Variants in ZFHX3 observed in about 807,000 individuals in gnomAD.
The protein encoded by ZFHX3 is zinc finger homeobox 3.
ZFHX3 carries 42 observed loss-of-function variants against 279.1 expected under a neutral mutation model. The observed-to-expected ratio is 0.15, with a 90% CI of 0.12 to 0.19. The LOEUF is 0.19. ZFHX3 is among the 10% of genes least tolerant of loss of function. The pLI, the probability that ZFHX3 is intolerant of heterozygous loss-of-function variation, is 1.00. For synonymous variants in ZFHX3, 2,293 were observed against 1,957.8 expected, an observed-to-expected ratio of 1.17 and a Z score of -4.52; for missense variants, 4,981 against 4,754.0, an observed-to-expected ratio of 1.05 and a Z score of -1.40.
upstream of ZFHX3, chr16:73,060,227 A>C (rs1965663962): frequency 6.7e-6 from 1 of 149,626 alleles, no homozygotes; most frequent in Non-Finnish European, 1.5e-5. Flanking sequence ...TAATGCCAAA[A>C]AAAAAAAAAA....
rs117924027 is a variant in ZFHX3 at position 73,460,358 on chromosome 16, C to T, written c.-1546-4100G>A. On this transcript the variant is annotated intron_variant, in intron 2 of 17. Coordinates refer to the ZFHX3 transcript ENST00000641206. ...TATAGATATTCTACAGTTTGCTTAACCATCTACCTACTGGAGGACAACTGG... is the reference window on the plus strand; with the variant it reads ...TATAGATATTCTACAGTTTGCTTAATCATCTACCTACTGGAGGACAACTGG... 1.0e-3 allele frequency among the ~76,000 whole-genome samples: 156 copies of T among 152,222 alleles called. 1 individual carries two copies. The highest frequency in any genetic ancestry group is 1.5e-3 in the Non-Finnish European group (104 of 68,020).
intron 5 of ZFHX3, among the ~76,000 whole-genome samples, chr16:73,213,919 C>G (rs73597326): frequency 0.012 from 1,849 of 152,300 alleles, 33 homozygotes; most frequent in African/African-American, 0.042. Flanking sequence ...GTTCCCCGCT[C>G]CAATCTGTAA....
At chr16:72,817,208 G>A (rs1486737459) in intron 5 of ZFHX3, among the ~76,000 whole-genome samples, 1 of 152,196 alleles carries the variant, frequency 6.6e-6, no homozygotes, top group African/African-American at 2.4e-5. Context: ...AACTTCATCT[G>A]ATAAAACCAT....
chr16:72,980,929 A>T (rs1396678761), intron 1 of ZFHX3, among the ~76,000 whole-genome samples: 2 of 152,170 alleles, frequency 1.3e-5, no homozygotes. Flanking sequence ...TCATTATATC[A>T]TTCTTTCTAC....
intron 1 of ZFHX3, chr16:72,973,867 T>G (rs1962220326): frequency 6.6e-6 from 1 of 151,980 alleles, no homozygotes; most frequent in Admixed American, 6.6e-5. Flanking sequence ...AGTAAGACTT[T>G]GTCTCCAAAA....
At chr16:73,382,348 A>G (rs2016830738) in intron 3 of ZFHX3, among the ~76,000 whole-genome samples, 1 of 152,250 alleles carries the variant, frequency 6.6e-6, no homozygotes. Flanking sequence ...AGATTTGAGA[A>G]GAATGTTTGC....
intron 1 of ZFHX3, among the ~76,000 whole-genome samples, chr16:73,857,707 A>C (rs1961771659): frequency 6.6e-6 from 1 of 152,160 alleles, no homozygotes; most frequent in Non-Finnish European, 1.5e-5. Flanking sequence ...CCCTTTTTCA[A>C]TAAGACAGAG....
At chr16:73,864,374 A>T (rs771619275) in intron 1 of ZFHX3, among the ~76,000 whole-genome samples, 8 of 152,248 alleles carry the variant, frequency 5.3e-5, no homozygotes, top group Non-Finnish European at 5.9e-5. Context: ...AGATACCGTG[A>T]TAAACACAGA....
intron 2 of ZFHX3, among the ~76,000 whole-genome samples, chr16:73,556,719 A>C (rs1446297394): frequency 6.6e-6 from 1 of 151,934 alleles, no homozygotes; most frequent in Non-Finnish European, 1.5e-5. Context: ...TCTAGAGTGG[A>C]GTGGGGGGCT....
upstream of ZFHX3, among the ~76,000 whole-genome samples, chr16:73,050,569 T>G (rs1290818501): frequency 6.6e-6 from 1 of 152,118 alleles, no homozygotes; most frequent in Non-Finnish European, 1.5e-5. Context: ...AAACAATACC[T>G]CTTCAGAGGG....
chr16:73,234,985 C>A (rs970187774), intron 5 of ZFHX3, among the ~76,000 whole-genome samples: 1 of 152,244 alleles, frequency 6.6e-6, no homozygotes, highest in Admixed American at 6.5e-5. Context: ...CATCCTAAAG[C>A]AGACAATGCT....
At chr16:73,087,601 G>A (rs1234046719) in intron 8 of ZFHX3, among the ~76,000 whole-genome samples, 4 of 152,204 alleles carry the variant, frequency 2.6e-5, no homozygotes, top group Non-Finnish European at 4.4e-5. Context: ...TAAAAATGGG[G>A]GGTGATGGAC....
intron 1 of ZFHX3, among the ~76,000 whole-genome samples, chr16:73,036,006 C>T (rs991561690): frequency 6.6e-6 from 1 of 152,262 alleles, no homozygotes; most frequent in Non-Finnish European, 1.5e-5. Flanking sequence ...TGATTTCTTA[C>T]TATCAAGAGA....
At chr16:73,607,352 T>C (rs948954607) in intron 2 of ZFHX3, among the ~76,000 whole-genome samples, 1 of 152,232 alleles carries the variant, frequency 6.6e-6, no homozygotes, top group African/African-American at 2.4e-5. Flanking sequence ...TGAGGCTGCA[T>C]AGTATTCCAT....
At chr16:72,919,860 C>T (rs768102603) in intron 3 of ZFHX3, among the ~76,000 whole-genome samples, 4 of 127,122 alleles carry the variant, frequency 3.1e-5, no homozygotes, top group Non-Finnish European at 6.3e-5. Flanking sequence ...GTGGCACGAT[C>T]TCAGCTCACT....
At chr16:73,122,299 G>A (rs371627459) in intron 7 of ZFHX3, among the ~76,000 whole-genome samples, 11 of 152,002 alleles carry the variant, frequency 7.2e-5, no homozygotes, top group African/African-American at 1.4e-4. Context: ...TCCACTTCCC[G>A]GGTTCAAGCG....
At chr16:72,971,145 T>C (rs1012156269) in intron 1 of ZFHX3, among the ~76,000 whole-genome samples, 2 of 152,250 alleles carry the variant, frequency 1.3e-5, no homozygotes, top group African/African-American at 2.4e-5. Flanking sequence ...AAATTTTTCC[T>C]ATGCCATTCA....
chr16:73,101,965 G>A (rs950304982), intron 7 of ZFHX3, among the ~76,000 whole-genome samples: 12 of 145,286 alleles, frequency 8.3e-5, no homozygotes, highest in East Asian at 4.1e-4. Context: ...CCAGGCTGGC[G>A]TGCACTGGCG....
intron 3 of ZFHX3, among the ~76,000 whole-genome samples, chr16:73,438,080 T>TAA (rs112284085): frequency 0.027 from 3,979 of 146,034 alleles, 176 homozygotes; most frequent in African/African-American, 0.094. Flanking sequence ...GCTCTAAACC[T>TAA]AAAAAAAAAA....
Sources: allele counts gnomAD v4.1 joint callset (sites outside exome capture counted in the v4.1 genomes callset), GRCh38; gene constraint gnomAD v4.1.1; transcripts MANE v1.5; gene names NCBI Gene and HGNC (gene_info 2026-07-23, HGNC 2026-07-21).